The following GPRIN2 variants were observed in gnomAD, a reference collection of about 807,000 sequenced individuals.
GPRIN2 encodes G protein regulated inducer of neurite outgrowth 2.
GPRIN2 carries 1 observed loss-of-function variant against 0.3 expected under a neutral mutation model. The observed-to-expected ratio is 3.90, with a 90% CI of 1.39 to 18.51. GPRIN2 has a LOEUF of 18.51. Ranked by LOEUF, GPRIN2 falls within the 30% of genes most tolerant of loss-of-function variation. GPRIN2 has a pLI of 0.11. For synonymous variants in GPRIN2, 361 were observed against 258.6 expected (o/e 1.40, Z -3.80); for missense variants, 880 against 604.2 (o/e 1.46, Z -4.79).
intron 2 of GPRIN2, among the ~76,000 whole-genome samples, chr10:46,553,479 C>A (rs1588974231): frequency 6.6e-6 from 1 of 152,310 alleles, no homozygotes; most frequent in African/African-American, 2.4e-5. Flanking sequence ...CAGCCTCTGG[C>A]CAAACCCCAC....
Position 46,549,283 on chromosome 10 carries a change from A to G in GPRIN2, c.*77T>C. 1 of 1,435,616 alleles carries G rather than the reference A, an allele frequency of 7.0e-7. No individual in the cohort carries two copies. The highest frequency in any genetic ancestry group is 2.6e-4 in the Middle Eastern group (1 of 3,874). The allele number at this position is 1,435,616 out of a possible 1,614,324, so 88.9% of individuals were successfully genotyped here. A position where few individuals can be genotyped will look rare whatever the true frequency, so the allele number is the denominator to read the frequency against. ...CCAGCTGCCGGTGGGTCCAGGGGGC[A>G]CGGAGCCCCCACCGTCCCTGGCCCA... On this transcript the variant is annotated 3_prime_UTR_variant, in exon 3 of 3. Coordinates refer to ENST00000374314, the MANE Select transcript of GPRIN2 (RefSeq NM_001385282.1).
chr10:46,551,355 C>T (rs1832196783), intron 2 of GPRIN2: 2 of 979,192 alleles, frequency 2.0e-6, no homozygotes, highest in African/African-American at 1.7e-5. Flanking sequence ...CACAACCACC[C>T]CCATCCTCCT....
chr10:46,556,728 T>A (rs941549480), upstream of GPRIN2, among the ~76,000 whole-genome samples: 1 of 152,160 alleles, frequency 6.6e-6, no homozygotes, highest in Non-Finnish European at 1.5e-5. Context: ...CTCGCTCACC[T>A]GGGCCCGTGC....
Position 46,549,384 on chromosome 10 carries a change from G to C in GPRIN2, c.1353C>G (p.Gly451=). 6.7e-7 allele frequency: 1 copy of C among 1,489,724 alleles called. No individual in the cohort carries two copies. Among genetic ancestry groups the C allele is most frequent in the Non-Finnish European group, 8.9e-7 (1 of 1,122,370 alleles). 92.3% of individuals were successfully genotyped at this position (1,489,724 alleles called of 1,614,324 possible). ...MQSLRRPSCC[G]CSGAAPE is the part of the protein sequence containing the mutation. ...CTCACTCGGGGGCCGCGCCGGAGCA[G>C]CCGCAGCAGCTGGGGCGCCGCAGGG... The change falls in exon 3 of 3, where the codon GGC becomes GGG. Residue 451 remains glycine (G), a synonymous_variant. Transcript: ENST00000374314.
rs1842115417 is a variant in GPRIN2 at position 46,545,906 on chromosome 10, G to A, written c.*3454C>T. ...GCTTGTAACTTGCCCAAGATCACAT[G>A]GCTATAGGTGTGGATCCTATATATC... is the stretch of plus-strand genomic sequence containing the variant. On this transcript the variant is annotated 3_prime_UTR_variant, in exon 3 of 3. Transcript: ENST00000374314. Among the ~76,000 whole-genome samples, 1 of 152,312 alleles carries A rather than the reference G, an allele frequency of 6.6e-6. No individual in the cohort carries two copies. Among genetic ancestry groups the A allele is most frequent in the African/African-American group, 2.4e-5 (1 of 41,488 alleles).
Position 46,549,123 on chromosome 10 carries a change from C to A in GPRIN2, c.*237G>T. ...AGTGCTAAAGCCCTGTCTCAAAGTT[C>A]AGAGCCCGGAAGGTGCAGAGATGTG... On this transcript the variant is annotated 3_prime_UTR_variant, in exon 3 of 3. Coordinates refer to ENST00000374314, the MANE Select transcript of GPRIN2 (RefSeq NM_001385282.1). 2.0e-6 allele frequency: 1 copy of A among 502,430 alleles called. No homozygotes were observed. Among genetic ancestry groups the A allele is most frequent in the Non-Finnish European group, 3.4e-6 (1 of 289,916 alleles). 31.1% of individuals were successfully genotyped at this position (502,430 alleles called of 1,614,324 possible). A position where few individuals can be genotyped will look rare whatever the true frequency, so the allele number is the denominator to read the frequency against.
rs1842184492 is a variant in GPRIN2 at position 46,546,635 on chromosome 10, T to A, written c.*2725A>T. 6.6e-6 allele frequency among the ~76,000 whole-genome samples: 1 copy of A among 152,312 alleles called. No homozygotes were observed. The highest frequency in any genetic ancestry group is 6.5e-5 in the Admixed American group (1 of 15,294). ...GGAGGAGATCTGTAAACTAAACCGC[T>A]GGCCATGCTCTGGGGCCCTAAACCA... On this transcript the variant is annotated 3_prime_UTR_variant, in exon 3 of 3. Transcript: ENST00000374314.
upstream of GPRIN2, among the ~76,000 whole-genome samples, chr10:46,556,760 C>T (rs1271002637): frequency 6.6e-6 from 1 of 152,246 alleles, no homozygotes; most frequent in African/African-American, 2.4e-5. Context: ...CTGCCACCGC[C>T]CCGCCGCGGC....
Position 46,546,675 on chromosome 10 carries a change from G to A in GPRIN2, c.*2685C>T, listed in dbSNP as rs28601653. On this transcript the variant is annotated 3_prime_UTR_variant, in exon 3 of 3. Transcript: ENST00000374314. ...GCCCTAAACCACTGCAGGCATCAGGGCTGTTCCAGGAGAGGGCACAGCAAA... is the reference window on the plus strand; with the variant it reads ...GCCCTAAACCACTGCAGGCATCAGGACTGTTCCAGGAGAGGGCACAGCAAA... 1.3e-5 allele frequency among the ~76,000 whole-genome samples: 2 copies of A among 152,400 alleles called. No individual in the cohort carries two copies. Among genetic ancestry groups the A allele is most frequent in the African/African-American group, 2.4e-5 (1 of 41,590 alleles).
rs1841908570 is a variant in GPRIN2 at position 46,543,574 on chromosome 10, A to G, written c.*5786T>C. On this transcript the variant is annotated 3_prime_UTR_variant, in exon 3 of 3. Coordinates refer to ENST00000374314, the MANE Select transcript of GPRIN2 (RefSeq NM_001385282.1). The stretch of plus-strand genomic sequence containing the variant: ...AGCACACTCTGTCTTTTCTCAGGAA[A>G]GCTGCAGGGAAATGAAAAGCTCCAG... 2.0e-5 allele frequency among the ~76,000 whole-genome samples: 3 copies of G among 152,298 alleles called. No individual in the cohort carries two copies. Among genetic ancestry groups the G allele is most frequent in the Admixed American group, 1.3e-4 (2 of 15,290 alleles).
chr10:46,549,881 GC>G lies in GPRIN2; in HGVS notation c.855del (p.Leu286SerfsTer17). 6.2e-7 allele frequency: 1 copy of G among 1,614,272 alleles called. No individual in the cohort carries two copies. The highest frequency in any genetic ancestry group is 1.3e-5 in the African/African-American group (1 of 75,090). On this transcript the variant is annotated frameshift_variant, in exon 3 of 3. Coordinates refer to ENST00000374314, the MANE Select transcript of GPRIN2 (RefSeq NM_001385282.1). LOFTEE classifies it low-confidence loss of function (END_TRUNC). ...GCACAGCAATGGGAATGCCCAGGGA[GC>G]CCCCCAGACAACCTACAGTGGATCT... is the stretch of plus-strand genomic sequence containing the variant. Reference protein sequence around the residue: ...GVKIHCRLSGGLPGHSHCCAH... With the variant: ...GVKIHCRLSGXLPGHSHCCAH...
Position 46,544,124 on chromosome 10 carries a change from G to C in GPRIN2, c.*5236C>G, listed in dbSNP as rs1255061287. Among the ~76,000 whole-genome samples, 1 of 152,302 alleles carries C rather than the reference G, an allele frequency of 6.6e-6. No homozygotes were observed. Among genetic ancestry groups the C allele is most frequent in the Non-Finnish European group, 1.5e-5 (1 of 68,056 alleles). On this transcript the variant is annotated 3_prime_UTR_variant, in exon 3 of 3. Coordinates refer to ENST00000374314, the MANE Select transcript of GPRIN2 (RefSeq NM_001385282.1). ...AAAAGAGTGAGCAAACCTAAAGAAG[G>C]GTTCAATAGGGAAGGTACCAGCGGC...
rs749699851 is a variant in GPRIN2, at chr10:46,548,408, G to A, written c.*952C>T. Among the ~76,000 whole-genome samples the A allele has an allele frequency of 6.6e-6, 1 of 152,300 alleles. No individual in the cohort carries two copies. Among genetic ancestry groups the A allele is most frequent in the Non-Finnish European group, 1.5e-5 (1 of 68,054 alleles). Reference sequence around the variant, plus strand: ...CCTGCCCTCCCTCCTTCCACAAACTGCACCAGCTGGGGAGAAATCCTTCAG... The same window carrying A: ...CCTGCCCTCCCTCCTTCCACAAACTACACCAGCTGGGGAGAAATCCTTCAG... On this transcript the variant is annotated 3_prime_UTR_variant, in exon 3 of 3. Transcript: ENST00000374314.
intron 2 of GPRIN2, among the ~76,000 whole-genome samples, chr10:46,553,457 T>G (rs1425784874): frequency 5.3e-5 from 8 of 152,304 alleles, no homozygotes; most frequent in African/African-American, 1.4e-4. Context: ...AGGCCCCATC[T>G]GGACATCCAC....
intron 2 of GPRIN2, among the ~76,000 whole-genome samples, chr10:46,551,097 TTG>T (rs1293500925): frequency 1.3e-5 from 2 of 152,308 alleles, no homozygotes; most frequent in Non-Finnish European, 2.9e-5. Context: ...TGCTGGGGCT[TTG>T]GGGGTGAAAC....
intron 1 of GPRIN2, among the ~76,000 whole-genome samples, 83 bp downstream of exon 1, chr10:46,556,415 G>C (rs1843234051): frequency 1.3e-5 from 2 of 152,294 alleles, no homozygotes; most frequent in African/African-American, 4.8e-5. Context: ...GCGGGAAGGA[G>C]TGGGTTCTGA....
Position 46,549,416 on chromosome 10 carries a change from T to G in GPRIN2, c.1321A>C (p.Met441Leu). ...EGRRGPLRAV[M>L]QSLRRPSCCG... ...CAGCTGGGGCGCCGCAGGGACTGCA[T>G]GACAGCCCGCAGTGGCCCCCTCCGG... is the stretch of plus-strand genomic sequence containing the variant. The change falls in exon 3 of 3, where the codon ATG (methionine) becomes CTG (leucine). Residue 441 changes from methionine (M) to leucine (L), a missense_variant. Transcript: ENST00000374314. The G allele has an allele frequency of 6.4e-7, 1 of 1,561,254 alleles. No homozygotes were observed. The highest frequency in any genetic ancestry group is 8.7e-7 in the Non-Finnish European group (1 of 1,155,230).
intron 2 of GPRIN2, among the ~76,000 whole-genome samples, chr10:46,553,811 A>G (rs1832025658): frequency 4.2e-3 from 642 of 152,086 alleles, no homozygotes; most frequent in Non-Finnish European, 6.2e-3. Context: ...CAGAACCCCA[A>G]TGGATTGGCC....
At chr10:46,552,699 G>A (rs1474884186) in intron 2 of GPRIN2, among the ~76,000 whole-genome samples, 1 of 152,296 alleles carries the variant, frequency 6.6e-6, no homozygotes, top group African/African-American at 2.4e-5. Context: ...CACTCAGCAG[G>A]GGGCTACTGC....
Sources: gnomAD v4.1 joint callset for allele counts (sites outside exome capture counted in the v4.1 genomes callset) on GRCh38, gnomAD v4.1.1 for gene constraint, MANE v1.5 for transcripts, NCBI Gene and HGNC (gene_info 2026-07-23, HGNC 2026-07-21) for gene names.